HAPLN1: variants seen among roughly 807,000 people sequenced by gnomAD.
HAPLN1 encodes hyaluronan and proteoglycan link protein 1, also known as Cartilage link protein.
HAPLN1 carries 13 observed loss-of-function variants against 36.5 expected under a neutral mutation model. That is an observed-to-expected ratio of 0.36 (90% CI 0.23 to 0.57). The LOEUF is 0.57. Ranked by LOEUF, HAPLN1 falls within the 20% of genes least tolerant of loss-of-function variation. The pLI is 0.83. For missense variants in HAPLN1, 407 were observed against 439.7 expected (o/e 0.93, Z 0.66); for synonymous variants, 202 against 169.8 (o/e 1.19, Z -1.48).
intron 1 of HAPLN1, among the ~76,000 whole-genome samples, chr5:83,676,424 A>C (rs1750862488): frequency 6.6e-6 from 1 of 152,192 alleles, no homozygotes; most frequent in Non-Finnish European, 1.5e-5. Flanking sequence ...TAAGCACAAC[A>C]ACCATCTCAC....
intron 2 of HAPLN1, among the ~76,000 whole-genome samples, chr5:83,656,918 A>G (rs1371839358): frequency 1.3e-5 from 2 of 152,200 alleles, no homozygotes; most frequent in East Asian, 3.8e-4. Context: ...CTTTTAAACA[A>G]TAGGACAAGC....
At chr5:83,655,759 C>G (rs1186978804) in intron 2 of HAPLN1, among the ~76,000 whole-genome samples, 2 of 152,140 alleles carry the variant, frequency 1.3e-5, no homozygotes, top group African/African-American at 4.8e-5. Flanking sequence ...CTATTGCAGG[C>G]TCTCCCATGC....
chr5:83,675,773 C>T (rs1750846257), intron 1 of HAPLN1, among the ~76,000 whole-genome samples: 1 of 152,162 alleles, frequency 6.6e-6, no homozygotes, highest in African/African-American at 2.4e-5. Flanking sequence ...TTCGCCAGCA[C>T]TATAAGCAGC....
chr5:83,696,766 C>G (rs980246356), intron 1 of HAPLN1, among the ~76,000 whole-genome samples: 3 of 152,052 alleles, frequency 2.0e-5, no homozygotes, highest in African/African-American at 7.2e-5. Flanking sequence ...TTTCTTTGCT[C>G]TAATTACAAA....
chr5:83,667,238 C>T (rs1035746657), intron 2 of HAPLN1, among the ~76,000 whole-genome samples: 5 of 151,988 alleles, frequency 3.3e-5, no homozygotes, highest in African/African-American at 1.2e-4. Flanking sequence ...TACTTTTGAG[C>T]TCATTTATTA....
At chr5:83,679,924 C>T (rs1750959219) in intron 1 of HAPLN1, among the ~76,000 whole-genome samples, 1 of 152,190 alleles carries the variant, frequency 6.6e-6, no homozygotes, top group Non-Finnish European at 1.5e-5. Context: ...CTGGAGATAT[C>T]AGATCGTCTC....
At chr5:83,652,968 C>T in intron 2 of HAPLN1, 144 bp from the exon 3 acceptor site, 1 of 807,390 alleles carries the variant, frequency 1.2e-6, no homozygotes, top group Admixed American at 3.2e-5. Context: ...CTCTTTTGAA[C>T]CATATAGAAA....
At chr5:83,710,978 A>G (rs1751769222) in intron 1 of HAPLN1, among the ~76,000 whole-genome samples, 1 of 152,102 alleles carries the variant, frequency 6.6e-6, no homozygotes, top group Non-Finnish European at 1.5e-5. Context: ...AAAAATAACC[A>G]GAGTGGGAGA....
intron 4 of HAPLN1, among the ~76,000 whole-genome samples, chr5:83,644,026 T>C (rs944763036): frequency 1.3e-5 from 2 of 152,184 alleles, no homozygotes; most frequent in African/African-American, 4.8e-5. Flanking sequence ...CTTACTTTGA[T>C]TGACAGAACC....
At chr5:83,656,627 T>A (rs1210073127) in intron 2 of HAPLN1, among the ~76,000 whole-genome samples, 1 of 152,100 alleles carries the variant, frequency 6.6e-6, no homozygotes, top group Non-Finnish European at 1.5e-5. Flanking sequence ...GGGACTGAAA[T>A]TTTTTAAAGT....
At chr5:83,650,632 C>CTTTTT (rs5869195) in intron 3 of HAPLN1, among the ~76,000 whole-genome samples, 57 of 103,686 alleles carry the variant, frequency 5.5e-4, no homozygotes, top group Non-Finnish European at 8.1e-4. Flanking sequence ...AAATTCTTTT[C>CTTTTT]TTTTTTTTTT....
intron 1 of HAPLN1, among the ~76,000 whole-genome samples, chr5:83,702,382 G>GA (rs1345554420): frequency 6.6e-6 from 1 of 152,082 alleles, no homozygotes; most frequent in Non-Finnish European, 1.5e-5. Flanking sequence ...GATAAAGATG[G>GA]ATATGAACAT....
At chr5:83,712,334 T>C (rs1751809412) in intron 1 of HAPLN1, among the ~76,000 whole-genome samples, 1 of 152,160 alleles carries the variant, frequency 6.6e-6, no homozygotes, top group African/African-American at 2.4e-5. Flanking sequence ...TTATTTTGTT[T>C]TATCGTTATT....
intron 1 of HAPLN1, among the ~76,000 whole-genome samples, chr5:83,679,814 G>A (rs936862960): frequency 6.6e-6 from 1 of 152,146 alleles, no homozygotes; most frequent in African/African-American, 2.4e-5. Context: ...TGATTCAACT[G>A]CTTTAGGGTC....
intron 2 of HAPLN1, among the ~76,000 whole-genome samples, chr5:83,658,326 T>C (rs531339890): frequency 6.6e-6 from 1 of 152,270 alleles, no homozygotes; most frequent in African/African-American, 2.4e-5. Flanking sequence ...TCTGCCTTGT[T>C]TATGTTGTTT....
chr5:83,650,394 T>C (rs1278300656), intron 3 of HAPLN1, among the ~76,000 whole-genome samples: 2 of 150,886 alleles, frequency 1.3e-5, no homozygotes, highest in African/African-American at 4.9e-5. Flanking sequence ...TTTCATTAAA[T>C]TATTTGAGAA....
At chr5:83,697,059 C>T (rs910613932) in intron 1 of HAPLN1, among the ~76,000 whole-genome samples, 1 of 152,118 alleles carries the variant, frequency 6.6e-6, no homozygotes, top group Non-Finnish European at 1.5e-5. Context: ...TTCCCTCCCC[C>T]ACCAGGATTC....
At chr5:83,715,976 T>A (rs1195214880) in intron 1 of HAPLN1, among the ~76,000 whole-genome samples, 1 of 152,166 alleles carries the variant, frequency 6.6e-6, no homozygotes. Context: ...TAGTGTAAAA[T>A]GAGGGGGATC....
chr5:83,652,379 A>G (rs1365227983), intron 3 of HAPLN1, 74 bp downstream of exon 3: 20 of 1,448,200 alleles, frequency 1.4e-5, no homozygotes, highest in Admixed American at 2.1e-5. Context: ...TAACCACTAG[A>G]CATTACTCTT....
Sources: gnomAD v4.1 joint callset for allele counts (sites outside exome capture counted in the v4.1 genomes callset) on GRCh38, gnomAD v4.1.1 for gene constraint, MANE v1.5 for transcripts, NCBI Gene and HGNC (gene_info 2026-07-23, HGNC 2026-07-21) for gene names.